KAZN: variants seen among roughly 807,000 people sequenced by gnomAD.
The protein encoded by KAZN is kazrin.
A neutral mutation model predicts 87.4 loss-of-function variants in KAZN; 40 were observed. That is an observed-to-expected ratio of 0.46 (90% confidence interval 0.36 to 0.60). The LOEUF is 0.60. Among genes scored for constraint, KAZN ranks in the 20% least tolerant of loss-of-function variants. The pLI is 0.00. For synonymous variants in KAZN, 466 were observed against 458.3 expected, an observed-to-expected ratio of 1.02 and a Z score of -0.22; for missense variants, 898 against 1,073.9, an observed-to-expected ratio of 0.84 and a Z score of 2.29.
chr1:14,873,785 G>T (rs1010184989), intron 1 of KAZN, among the ~76,000 whole-genome samples: 1 of 152,210 alleles, frequency 6.6e-6, no homozygotes, highest in East Asian at 1.9e-4. Context: ...ATGAGTTTGT[G>T]GTGGCTGGGA....
At chr1:14,884,556 G>A (rs530843637) in intron 1 of KAZN, among the ~76,000 whole-genome samples, 3 of 152,310 alleles carry the variant, frequency 2.0e-5, no homozygotes, top group East Asian at 3.9e-4. Flanking sequence ...TATTAAGGAC[G>A]TTCATTGCTA....
chr1:14,421,840 G>A lies in KAZN; in HGVS notation c.250-177143G>A, dbSNP rs535843662. On this transcript the variant is annotated intron_variant, in intron 2 of 16. Transcript: ENST00000636203. ...AGGCCTTAGTCCCCTCCCCTCCCCC[G>A]GCCTCTTTCACTTACTACACTGGGT... 1.4e-3 allele frequency among the ~76,000 whole-genome samples: 211 copies of A among 151,966 alleles called. 3 individuals are homozygous for A. The highest frequency in any genetic ancestry group is 5.0e-3 in the African/African-American group (209 of 41,448).
At chr1:14,751,969 G>A (rs144538068) in intron 1 of KAZN, among the ~76,000 whole-genome samples, 42 of 152,186 alleles carry the variant, frequency 2.8e-4, no homozygotes, top group Non-Finnish European at 4.7e-4. Context: ...ACCCTTCTGC[G>A]TAATGTACAA....
At chr1:14,763,449 C>A (rs72636646) in intron 1 of KAZN, among the ~76,000 whole-genome samples, 2,292 of 152,306 alleles carry the variant, frequency 0.015, 22 homozygotes, top group Non-Finnish European at 0.024. Context: ...AATCAATACC[C>A]CCAATAACAT....
chr1:14,250,809 TC>T (rs746375932), intron 2 of KAZN, among the ~76,000 whole-genome samples: 1 of 151,770 alleles, frequency 6.6e-6, no homozygotes, highest in Non-Finnish European at 1.5e-5. Context: ...AAGGAACTAA[TC>T]AGTAAAATTC....
chr1:13,895,044 C>A (rs1270137813), intron 1 of KAZN, among the ~76,000 whole-genome samples: 1 of 152,180 alleles, frequency 6.6e-6, no homozygotes, highest in Non-Finnish European at 1.5e-5. Flanking sequence ...CTACTAGGCA[C>A]TCCATAAGGT....
At chr1:15,100,312 AC>A in intron 10 of KAZN, among the ~76,000 whole-genome samples, 1 of 152,196 alleles carries the variant, frequency 6.6e-6, no homozygotes, top group African/African-American at 2.4e-5. Context: ...GACAGGGAGG[AC>A]CCACCCAGGA....
At chr1:14,998,730 G>T (rs1338842600) in intron 2 of KAZN, among the ~76,000 whole-genome samples, 1 of 152,042 alleles carries the variant, frequency 6.6e-6, no homozygotes, top group East Asian at 1.9e-4. Flanking sequence ...TGTATTTTTA[G>T]TAGAGACGGG....
chr1:13,900,605 G>A (rs1323449201), intron 1 of KAZN, among the ~76,000 whole-genome samples: 1 of 152,202 alleles, frequency 6.6e-6, no homozygotes, highest in Admixed American at 6.6e-5. Flanking sequence ...CACTACATCA[G>A]AAGTAGTCTT....
chr1:14,377,928 A>G (rs1283172126), intron 2 of KAZN, among the ~76,000 whole-genome samples: 1 of 152,208 alleles, frequency 6.6e-6, no homozygotes, highest in Non-Finnish European at 1.5e-5. Flanking sequence ...ATGTCTCCAG[A>G]CATTATCAAA....
At chr1:14,600,993 A>T (rs983746697) in intron 1 of KAZN, among the ~76,000 whole-genome samples, 68 of 152,218 alleles carry the variant, frequency 4.5e-4, no homozygotes, top group African/African-American at 1.6e-3. Flanking sequence ...TAGTGGAGCA[A>T]CAGGGGGCTG....
chr1:14,694,158 GCT>G (rs1207895411), intron 1 of KAZN, among the ~76,000 whole-genome samples: 1 of 152,196 alleles, frequency 6.6e-6, no homozygotes, highest in Non-Finnish European at 1.5e-5. Context: ...ACACTGCCCA[GCT>G]CTGTGCCTTT....
intron 2 of KAZN, among the ~76,000 whole-genome samples, chr1:14,250,906 A>AAT (rs1553150274): frequency 4.0e-5 from 6 of 151,826 alleles, no homozygotes; most frequent in African/African-American, 7.3e-5. Flanking sequence ...AAGAAAAAAA[A>AAT]AATCGATGGT....
chr1:14,130,578 A>G (rs1197070947), intron 1 of KAZN, among the ~76,000 whole-genome samples: 1 of 152,062 alleles, frequency 6.6e-6, no homozygotes, highest in Non-Finnish European at 1.5e-5. Context: ...TGTGGATAAC[A>G]TATCTGAACC....
chr1:14,385,310 C>T (rs1180294737), intron 2 of KAZN, among the ~76,000 whole-genome samples: 1 of 152,130 alleles, frequency 6.6e-6, no homozygotes, highest in African/African-American at 2.4e-5. Context: ...GTCTCTATTT[C>T]CTTCAGTTCT....
intron 13 of KAZN, among the ~76,000 whole-genome samples, chr1:15,106,125 A>T (rs563104485): frequency 5.9e-5 from 9 of 152,162 alleles, no homozygotes; most frequent in Admixed American, 4.6e-4. Context: ...ACTAAAAATT[A>T]AAAAAATTCC....
intron 2 of KAZN, among the ~76,000 whole-genome samples, chr1:14,384,249 T>A (rs1287464881): frequency 5.3e-5 from 8 of 151,942 alleles, no homozygotes; most frequent in African/African-American, 1.9e-4. Flanking sequence ...TATACAATCA[T>A]GTCATCTGCA....
intron 2 of KAZN, among the ~76,000 whole-genome samples, chr1:14,228,046 A>G (rs1053811007): frequency 5.3e-5 from 8 of 152,206 alleles, no homozygotes; most frequent in Non-Finnish European, 1.2e-4. Context: ...CTGTAGACTG[A>G]CTTCTTCTGA....
chr1:14,385,201 CT>C (rs1428227488), intron 2 of KAZN, among the ~76,000 whole-genome samples: 2 of 152,140 alleles, frequency 1.3e-5, no homozygotes, highest in African/African-American at 4.8e-5. Context: ...TTTGGTTCTT[CT>C]TTTTTTCTTT....
Sources: allele counts gnomAD v4.1 joint callset (sites outside exome capture counted in the v4.1 genomes callset), GRCh38; gene constraint gnomAD v4.1.1; transcripts MANE v1.5; gene names NCBI Gene and HGNC (gene_info 2026-07-23, HGNC 2026-07-21).